The following ADGRL3 variants were observed in gnomAD, a reference collection of about 807,000 sequenced individuals.
ADGRL3 encodes calcium-independent alpha-latrotoxin receptor 3.
ADGRL3 carries 62 observed loss-of-function variants against 153.5 expected under a neutral mutation model. The observed-to-expected ratio is 0.40, with a 90% CI of 0.33 to 0.50. The LOEUF is 0.50. Among genes scored for constraint, ADGRL3 ranks in the 20% least tolerant of loss-of-function variants. The pLI is 0.47. For missense variants in ADGRL3, 1,641 were observed against 1,859.4 expected (o/e 0.88, Z 2.16); for synonymous variants, 710 against 672.5 (o/e 1.06, Z -0.86).
In ADGRL3 at chr4:62,044,541, T is replaced by A. The variant is rs755396639; in HGVS notation, c.3806T>A (p.Leu1269His). The change falls in exon 25 of 27, where the codon CTC becomes CAC. Residue 1269 changes from leucine to histidine, a missense_variant. Leu to His is a moderately conservative substitution (Grantham distance 99). This residue lies in a region of ADGRL3 where 517 missense variants were observed against 555.0 expected (regional missense o/e 0.93). Transcript: ENST00000683033. ...ITGDINSSASLNREPYRETKG... is the reference protein window; with the variant it reads ...ITGDINSSASHNREPYRETKG... Reference sequence around the variant, plus strand: ...GGAGACATAAACAGTTCAGCGTCACTCAACAGAGGTAATTAGAAATAATTT... The same window carrying A: ...GGAGACATAAACAGTTCAGCGTCACACAACAGAGGTAATTAGAAATAATTT... 6.3e-7 allele frequency: 1 copy of A among 1,575,610 alleles called. No individual in the cohort carries two copies. Among genetic ancestry groups the A allele is most frequent in the Non-Finnish European group, 8.6e-7 (1 of 1,156,870 alleles).
At chr4:61,415,967 A>C (rs956242962) in intron 2 of ADGRL3, among the ~76,000 whole-genome samples, 1 of 152,074 alleles carries the variant, frequency 6.6e-6, no homozygotes, top group Non-Finnish European at 1.5e-5. Flanking sequence ...CAAAAGTATT[A>C]CGTCTTTTAA....
intron 1 of ADGRL3, among the ~76,000 whole-genome samples, chr4:61,242,132 C>T (rs1407393954): frequency 6.6e-6 from 1 of 152,000 alleles, no homozygotes; most frequent in African/African-American, 2.4e-5. Context: ...TTACCTAGAG[C>T]ATTATCTTTC....
At chr4:61,729,734 G>T (rs913083305) in intron 6 of ADGRL3, among the ~76,000 whole-genome samples, 1 of 151,856 alleles carries the variant, frequency 6.6e-6, no homozygotes, top group African/African-American at 2.4e-5. Context: ...ATAAAGAGAT[G>T]CTGTTTGATG....
At chr4:61,911,239 A>G (rs1180587016) in intron 12 of ADGRL3, among the ~76,000 whole-genome samples, 2 of 152,126 alleles carry the variant, frequency 1.3e-5, no homozygotes, top group Non-Finnish European at 2.9e-5. Flanking sequence ...ATCTTTATTT[A>G]AAAATGGTGT....
At chr4:61,894,782 C>T (rs1422040860) in intron 10 of ADGRL3, among the ~76,000 whole-genome samples, 2 of 152,124 alleles carry the variant, frequency 1.3e-5, no homozygotes, top group Non-Finnish European at 2.9e-5. Flanking sequence ...GCTTCCTCAC[C>T]ATCACGCCAT....
intron 8 of ADGRL3, among the ~76,000 whole-genome samples, chr4:61,739,662 GT>G (rs1253155952): frequency 6.6e-6 from 1 of 152,102 alleles, no homozygotes; most frequent in East Asian, 1.9e-4. Context: ...TGCTCCTCAG[GT>G]AGTCATCTTC....
At chr4:61,533,086 A>C (rs1460813408) in intron 4 of ADGRL3, among the ~76,000 whole-genome samples, 2 of 152,228 alleles carry the variant, frequency 1.3e-5, no homozygotes, top group Non-Finnish European at 2.9e-5. Flanking sequence ...GCCATAAAAC[A>C]AAAGAATAAG....
intron 17 of ADGRL3, among the ~76,000 whole-genome samples, chr4:61,964,604 A>G (rs2098999475): frequency 6.6e-6 from 1 of 152,084 alleles, no homozygotes; most frequent in African/African-American, 2.4e-5. Flanking sequence ...TTATGTGAAC[A>G]TTGGGAATTC....
chr4:61,544,438 T>G (rs17090504), intron 4 of ADGRL3, among the ~76,000 whole-genome samples: 63,425 of 151,936 alleles, frequency 0.42, 13,592 homozygotes, highest in African/African-American at 0.51. Context: ...ATCCTAGCTT[T>G]TAAGAACTAC....
chr4:61,305,615 G>T (rs528750324), intron 1 of ADGRL3, among the ~76,000 whole-genome samples: 3 of 152,236 alleles, frequency 2.0e-5, no homozygotes, highest in East Asian at 1.9e-4. Flanking sequence ...GAGAAGTAGA[G>T]TATCTATGTT....
chr4:61,733,616 C>A, intron 8 of ADGRL3, 62 bp downstream of exon 8: 2 of 1,199,088 alleles, frequency 1.7e-6, no homozygotes, highest in South Asian at 1.5e-5. Context: ...TCAGCAAGTT[C>A]ATTTTATGTT....
intron 4 of ADGRL3, among the ~76,000 whole-genome samples, chr4:61,549,251 A>G (rs2098729266): frequency 6.6e-6 from 1 of 151,830 alleles, no homozygotes; most frequent in Non-Finnish European, 1.5e-5. Context: ...TAGGTATAGA[A>G]TCATACTGCA....
At chr4:61,829,701 T>C (rs559290190) in intron 9 of ADGRL3, among the ~76,000 whole-genome samples, 1 of 152,146 alleles carries the variant, frequency 6.6e-6, no homozygotes, top group African/African-American at 2.4e-5. Context: ...CCACTTTTTT[T>C]AAAAAAAGAA....
At chr4:61,445,261 C>G (rs1464142142) in intron 2 of ADGRL3, among the ~76,000 whole-genome samples, 1 of 152,136 alleles carries the variant, frequency 6.6e-6, no homozygotes, top group Admixed American at 6.6e-5. Flanking sequence ...AAGTTAGCAA[C>G]AGAGCCAGGA....
At chr4:61,507,563 G>A (rs890189234) in intron 3 of ADGRL3, among the ~76,000 whole-genome samples, 18 of 152,276 alleles carry the variant, frequency 1.2e-4, no homozygotes, top group South Asian at 8.3e-4. Flanking sequence ...GATGTGATAT[G>A]GTTTGGCTCT....
chr4:61,948,412 T>G, intron 17 of ADGRL3, 136 bp downstream of exon 17: 1 of 580,546 alleles, frequency 1.7e-6, no homozygotes, highest in Non-Finnish European at 2.9e-6. Flanking sequence ...AACTCTCTGA[T>G]GTTCAAACCA....
intron 4 of ADGRL3, among the ~76,000 whole-genome samples, chr4:61,534,468 G>A (rs1448742584): frequency 6.6e-6 from 1 of 151,494 alleles, no homozygotes; most frequent in African/African-American, 2.4e-5. Context: ...TTCTAATTCT[G>A]TGAAAAATGA....
Position 61,340,830 on chromosome 4 carries a change from G to GTATATA in ADGRL3, c.-239-42283_-239-42278dup, listed in dbSNP as rs533433677. ...TATATATTTATGTGTGTGTGTTTGT[G>GTATATA]TATATATATATATATAAAATATTAT... On this transcript the variant is annotated intron_variant, in intron 1 of 26. Transcript: ENST00000683033. Among the ~76,000 whole-genome samples, 11 of 148,066 alleles carry GTATATA rather than the reference G, an allele frequency of 7.4e-5. No homozygotes were observed. In the South Asian group the frequency reaches 1.3e-3, roughly 17 times the overall value.
intron 1 of ADGRL3, among the ~76,000 whole-genome samples, chr4:61,366,535 T>G (rs2096400546): frequency 6.6e-6 from 1 of 152,212 alleles, no homozygotes; most frequent in Non-Finnish European, 1.5e-5. Context: ...CCTTCATCAC[T>G]TAGTATATAG....
Sources: allele counts gnomAD v4.1 joint callset (sites outside exome capture counted in the v4.1 genomes callset), GRCh38; gene constraint gnomAD v4.1.1; regional missense constraint gnomAD v4.1.1; transcripts MANE v1.5; gene names NCBI Gene and HGNC (gene_info 2026-07-23, HGNC 2026-07-21).